Variants in TMPRSS6 observed in about 807,000 individuals in gnomAD.
The protein encoded by TMPRSS6 is transmembrane serine protease 6, also known as transmembrane protease serine 6.
A neutral mutation model predicts 101.5 loss-of-function variants in TMPRSS6; 67 were observed. The ratio of observed to expected loss-of-function variants is 0.66; its 90% CI spans 0.54 to 0.81. The LOEUF is 0.81. Ranked by LOEUF, TMPRSS6 falls within the 30% of genes least tolerant of loss-of-function variation. The pLI is 0.00. For missense variants in TMPRSS6, 1,034 were observed against 1,088.7 expected (o/e 0.95, Z 0.71); for synonymous variants, 453 against 464.9 (o/e 0.97, Z 0.33).
intron 15 of TMPRSS6, 135 bp downstream of exon 15, chr22:37,070,349 C>T (rs1926766129): frequency 8.5e-7 from 1 of 1,172,602 alleles, no homozygotes; most frequent in Non-Finnish European, 1.3e-6. Flanking sequence ...GACTAGAACT[C>T]ACATCACAGT....
In TMPRSS6 at chr22:37,065,989, C is replaced by T. The variant is rs1478594445; in HGVS notation, c.*91G>A. The T allele has an allele frequency of 1.9e-6, 3 of 1,566,246 alleles. No individual in the cohort carries two copies. Among genetic ancestry groups the T allele is most frequent in the African/African-American group, 1.4e-5 (1 of 73,930 alleles). On this transcript the variant is annotated 3_prime_UTR_variant, in exon 18 of 18. Coordinates refer to ENST00000676104, the MANE Select transcript of TMPRSS6 (RefSeq NM_001374504.1). ...CCACAGGGCCTGCTCTCTCCCCCAC[C>T]CCCCGCCAGAATACTTGTCCCCCTG...
intron 8 of TMPRSS6, among the ~76,000 whole-genome samples, chr22:37,086,038 C>T (rs910684330): frequency 6.8e-6 from 1 of 147,498 alleles, no homozygotes; most frequent in Admixed American, 7.0e-5. Flanking sequence ...AGCAAGGGAG[C>T]GATGCCAGGA....
At chr22:37,086,034 GGAGCGAT>G (rs1298606665) in intron 8 of TMPRSS6, among the ~76,000 whole-genome samples, 3 of 151,534 alleles carry the variant, frequency 2.0e-5, no homozygotes, top group Middle Eastern at 3.4e-3. Flanking sequence ...GGGAAGCAAG[GGAGCGAT>G]GCCAGGAAGA....
intron 7 of TMPRSS6, among the ~76,000 whole-genome samples, chr22:37,088,191 T>G (rs1250997026): frequency 1.3e-5 from 2 of 152,112 alleles, no homozygotes; most frequent in Non-Finnish European, 2.9e-5. Context: ...GGTGTCTGGC[T>G]TCTCTGCACT....
chr22:37,070,745 CAG>C (rs1346570836), intron 14 of TMPRSS6, 93 bp from the exon 15 acceptor site: 21 of 1,441,114 alleles, frequency 1.5e-5, no homozygotes, highest in Middle Eastern at 2.0e-4. Flanking sequence ...GATGGAGAGA[CAG>C]AGAACAGGAG....
intron 10 of TMPRSS6, 154 bp downstream of exon 10, chr22:37,084,141 A>G (rs2543520): frequency 0.21 from 151,924 of 710,482 alleles, 17,249 homozygotes; most frequent in African/African-American, 0.34. Flanking sequence ...GTCAAGGGCA[A>G]CAGGCCTGAC....
At chr22:37,068,380 T>A (rs1358705096) in intron 16 of TMPRSS6, among the ~76,000 whole-genome samples, 1 of 152,216 alleles carries the variant, frequency 6.6e-6, no homozygotes, top group Non-Finnish European at 1.5e-5. Context: ...AGATTGTAAG[T>A]CACTGTACAC....
chr22:37,075,898 G>A (rs918743639), intron 10 of TMPRSS6, among the ~76,000 whole-genome samples: 3 of 147,854 alleles, frequency 2.0e-5, no homozygotes, highest in Non-Finnish European at 3.0e-5. Flanking sequence ...ACGAAAGTAC[G>A]TCAAAAAAAG....
In TMPRSS6 at chr22:37,103,708, C is replaced by T. The variant is rs1930531021; in HGVS notation, c.-1-290G>A. The T allele has an allele frequency of 1.1e-6, 1 of 933,144 alleles. No homozygotes were observed. 57.8% of individuals were successfully genotyped at this position (933,144 alleles called of 1,614,324 possible). ...CTATGGTCAGAGGACAGACGGAGGT[C>T]TCAGTACCTAAACACCCACCTCCCT... On this transcript the variant is annotated intron_variant, in intron 1 of 17. Transcript: ENST00000676104. This position sits in a 1 kb window ranked among gnomAD's most constrained non-coding sequence, Gnocchi z 4.4.
chr22:37,067,504 G>C (rs1926417204), intron 16 of TMPRSS6, among the ~76,000 whole-genome samples: 1 of 152,126 alleles, frequency 6.6e-6, no homozygotes, highest in South Asian at 2.1e-4. Flanking sequence ...AAAAGCCCGT[G>C]TGGATGAGTG....
chr22:37,074,860 C>G, intron 11 of TMPRSS6, 152 bp from the exon 12 acceptor site: 3 of 882,238 alleles, frequency 3.4e-6, no homozygotes, highest in Non-Finnish European at 5.5e-6. Flanking sequence ...TGTACACAGT[C>G]CAAGCAGACA....
rs771756917 is a variant in TMPRSS6 at position 37,089,606 on chromosome 22, C to T, written c.808G>A (p.Gly270Arg). The T allele has an allele frequency of 1.6e-5, 25 of 1,612,138 alleles. No homozygotes were observed. The highest frequency in any genetic ancestry group is 6.6e-5 in the South Asian group (6 of 90,578). The change falls in exon 7 of 18, where the codon GGG becomes AGG. Residue 270 changes from glycine to arginine, a missense_variant. Gly to Arg is a moderately radical substitution (Grantham distance 125, BLOSUM62 -2). Transcript: ENST00000676104. ...GTGATGAGCCTCTTCTCCAGGGGCC[C>T]GGCCACGTCATACATGGCCAGTCGG... ...RDRLAMYDVA[G>R]PLEKRLITSV...
At chr22:37,097,943 A>T (rs228903) in intron 3 of TMPRSS6, among the ~76,000 whole-genome samples, 10 of 1,306 alleles carry the variant, frequency 7.7e-3, no homozygotes, top group Admixed American at 0.014. Flanking sequence ...GGGGGAGGAG[A>T]GGGCCACCGT....
At chr22:37,102,373 A>G (rs1930394157) in intron 2 of TMPRSS6, among the ~76,000 whole-genome samples, 1 of 152,232 alleles carries the variant, frequency 6.6e-6, no homozygotes, top group Non-Finnish European at 1.5e-5. Context: ...GCACTGAGTA[A>G]ATGAACAAAT....
At chr22:37,093,236 A>T (rs141650201) in intron 6 of TMPRSS6, among the ~76,000 whole-genome samples, 4 of 152,130 alleles carry the variant, frequency 2.6e-5, no homozygotes, top group Non-Finnish European at 4.4e-5. Flanking sequence ...CATGAAACGA[A>T]CACCCACTGA....
chr22:37,097,356 T>C (rs1053357119), intron 3 of TMPRSS6, among the ~76,000 whole-genome samples: 1 of 152,156 alleles, frequency 6.6e-6, no homozygotes, highest in Non-Finnish European at 1.5e-5. Flanking sequence ...GACTGGAAAG[T>C]GGGCAACCAA....
At chr22:37,067,752 T>G (rs947585020) in intron 16 of TMPRSS6, among the ~76,000 whole-genome samples, 3 of 92,106 alleles carry the variant, frequency 3.3e-5, no homozygotes, top group African/African-American at 1.6e-4. Flanking sequence ...TTCTTGAAAC[T>G]CCCCGTATGG....
intron 13 of TMPRSS6, among the ~76,000 whole-genome samples, chr22:37,071,957 T>A (rs1254531253): frequency 6.8e-6 from 1 of 147,644 alleles, no homozygotes; most frequent in East Asian, 2.0e-4. Flanking sequence ...GATGGATGGA[T>A]GATGGATGGA....
chr22:37,073,758 T>G, intron 12 of TMPRSS6, 113 bp from the exon 13 acceptor site: 3 of 766,650 alleles, frequency 3.9e-6, no homozygotes, highest in Non-Finnish European at 4.8e-6. Flanking sequence ...CACAAATCTC[T>G]TTCTCTGCTA....
Sources: gnomAD v4.1 joint callset for allele counts (sites outside exome capture counted in the v4.1 genomes callset) on GRCh38, gnomAD v4.1.1 for gene constraint, Gnocchi (gnomAD v3.1) non-coding constraint, MANE v1.5 for transcripts, NCBI Gene and HGNC (gene_info 2026-07-23, HGNC 2026-07-21) for gene names.